Variants in ATP2B4 observed in about 807,000 individuals in gnomAD.
ATP2B4 encodes ATPase plasma membrane Ca2+ transporting 4, also known as plasma membrane calcium-transporting ATPase 4.
Under a neutral mutation model 110.3 loss-of-function variants are expected in ATP2B4, and 39 were observed. That is an observed-to-expected ratio of 0.35 (90% CI 0.27 to 0.46). The LOEUF (loss-of-function observed/expected upper bound fraction) is 0.46. Among genes scored for constraint, ATP2B4 ranks in the 20% least tolerant of loss-of-function variants. The pLI is 1.00. For missense variants in ATP2B4, 1,135 were observed against 1,530.9 expected (o/e 0.74, Z 4.32); for synonymous variants, 538 against 571.7 (o/e 0.94, Z 0.84).
rs754384540 is a variant in ATP2B4, at chr1:203,739,680, G to A, written c.3444G>A (p.Leu1148=). The change falls in exon 21 of 21, where the codon CTG becomes CTA. Residue 1148 remains leucine, a synonymous_variant. Transcript: ENST00000357681. ...AGGAGTTGCCACGAACACCACTCCT[G>A]GATGAGGAAGAGGAGGAAAATCCTG... The part of the protein sequence containing the change: ...IEEELPRTPL[L]DEEEEENPDK... 1.2e-6 allele frequency: 2 copies of A among 1,614,150 alleles called. No homozygotes were observed. Among genetic ancestry groups the A allele is most frequent in the South Asian group, 1.1e-5 (1 of 91,086 alleles).
intron 15 of ATP2B4, among the ~76,000 whole-genome samples, chr1:203,719,721 T>TATAAATAA (rs34272522): frequency 0.047 from 6,826 of 146,214 alleles, 228 homozygotes; most frequent in African/African-American, 0.082. Context: ...TCTCAAAAAC[T>TATAAATAA]ATAAATAAAT....
chr1:203,667,198 C>T (rs1664529414), intron 1 of ATP2B4, among the ~76,000 whole-genome samples: 1 of 152,178 alleles, frequency 6.6e-6, no homozygotes, highest in South Asian at 2.1e-4. Flanking sequence ...GCAATCTGCC[C>T]ACCTCAGCCT....
chr1:203,688,344 G>A (rs6668485), intron 2 of ATP2B4, among the ~76,000 whole-genome samples: 36,732 of 151,196 alleles, frequency 0.24, 5,075 homozygotes, highest in East Asian at 0.61. Flanking sequence ...TGTCACCGAG[G>A]CTGGAGTGCA....
chr1:203,698,873 G>A (rs959154636), intron 3 of ATP2B4, among the ~76,000 whole-genome samples: 6 of 152,082 alleles, frequency 3.9e-5, no homozygotes, highest in African/African-American at 1.4e-4. Context: ...CTGACCTCAG[G>A]TGATCCACCC....
chr1:203,635,440 G>A (rs1336577456), intron 1 of ATP2B4, among the ~76,000 whole-genome samples: 2 of 152,066 alleles, frequency 1.3e-5, no homozygotes, highest in African/African-American at 4.8e-5. Context: ...TAATTTTTTT[G>A]TTGTTATTGT....
At chr1:203,651,754 G>A (rs1664001902) in intron 1 of ATP2B4, among the ~76,000 whole-genome samples, 1 of 149,264 alleles carries the variant, frequency 6.7e-6, no homozygotes. Context: ...GAGTGAGCCT[G>A]TATCTAAATA....
chr1:203,649,972 G>A lies in ATP2B4; in HGVS notation c.-465+22753G>A, dbSNP rs114695704. 9.1e-3 allele frequency among the ~76,000 whole-genome samples: 1,387 copies of A among 152,260 alleles called. 24 individuals carry two copies. The highest frequency in any genetic ancestry group is 0.029 in the African/African-American group (1,202 of 41,544). ...CTCCCCTTCTTCCAGAGCTGCTGAG[G>A]ACTAATGAGAACACTCACTTGTAGA... On this transcript the variant is annotated intron_variant, in intron 1 of 20. Coordinates refer to ENST00000357681, the MANE Select transcript of ATP2B4 (RefSeq NM_001684.5).
In ATP2B4 at chr1:203,700,315, C is replaced by T. The variant is rs1334428114; in HGVS notation, c.759C>T (p.Asp253=). The T allele has an allele frequency of 6.2e-7, 1 of 1,613,274 alleles. No individual in the cohort carries two copies. Among genetic ancestry groups the T allele is most frequent in the Admixed American group, 1.7e-5 (1 of 59,934 alleles). The change falls in exon 5 of 21, where the codon GAC becomes GAT. Residue 253 remains aspartate, a synonymous_variant. Transcript: ENST00000357681. ...SDHVKKSLDK[D]PMLLSGTHVM... is the part of the protein sequence containing the mutation. ...ATGTCAAGAAGTCCCTGGACAAAGA[C>T]CCCATGTTGCTCTCAGGTATAGGCC...
At chr1:203,642,363 C>T (rs576353684) in intron 1 of ATP2B4, among the ~76,000 whole-genome samples, 42 of 152,258 alleles carry the variant, frequency 2.8e-4, no homozygotes, top group Admixed American at 1.4e-3. Flanking sequence ...GGATTACAGG[C>T]GTGAAACACT....
intron 20 of ATP2B4, among the ~76,000 whole-genome samples, chr1:203,731,588 C>T (rs1666713737): frequency 1.3e-5 from 2 of 152,080 alleles, no homozygotes; most frequent in East Asian, 3.9e-4. Context: ...CGCGGTGGCT[C>T]ACACCTTAAT....
Position 203,741,977 on chromosome 1 carries a change from G to T in ATP2B4, c.*2123G>T, listed in dbSNP as rs1371100126. ...TATTTTACCATTCCTGTTCACAAAA[G>T]GTTCTCATGGTGCCTGACAGGTTAC... On this transcript the variant is annotated 3_prime_UTR_variant, in exon 21 of 21. Transcript: ENST00000357681. 6.6e-6 allele frequency: 1 copy of T among 152,606 alleles called. No homozygotes were observed. Among genetic ancestry groups the T allele is most frequent in the Non-Finnish European group, 1.5e-5 (1 of 68,038 alleles). The allele number at this position is 152,606 out of a possible 1,614,324, so 9.5% of individuals were successfully genotyped here. A position where few individuals can be genotyped will look rare whatever the true frequency, so the allele number is the denominator to read the frequency against.
chr1:203,665,174 C>T (rs931719808), intron 1 of ATP2B4, among the ~76,000 whole-genome samples: 1 of 152,180 alleles, frequency 6.6e-6, no homozygotes, highest in Non-Finnish European at 1.5e-5. Flanking sequence ...GGAGCAAGGC[C>T]CATCTGGCAA....
intron 2 of ATP2B4, among the ~76,000 whole-genome samples, chr1:203,695,920 T>C (rs10793764): frequency 6.6e-6 from 1 of 151,746 alleles, no homozygotes; most frequent in South Asian, 2.1e-4. Context: ...CTTTTGACAT[T>C]TAAGGTAACA....
rs983489588 is a variant in ATP2B4 at position 203,686,958 on chromosome 1, G to A, written c.193+3560G>A. Among the ~76,000 whole-genome samples, 4 of 147,792 alleles carry A rather than the reference G, an allele frequency of 2.7e-5. No individual in the cohort carries two copies. In the South Asian group the frequency reaches 8.5e-4, roughly 32 times the overall value. On this transcript the variant is annotated intron_variant, in intron 2 of 20. Coordinates refer to ENST00000357681, the MANE Select transcript of ATP2B4 (RefSeq NM_001684.5). ...GATCCATCCACCTCGGCCTACCAAA[G>A]TGCTGGGATTACAGGCGTGAGCCAT...
chr1:203,675,691 C>A (rs145018113), intron 1 of ATP2B4, among the ~76,000 whole-genome samples: 1 of 152,242 alleles, frequency 6.6e-6, no homozygotes, highest in East Asian at 1.9e-4. Flanking sequence ...GTCAGAGTAG[C>A]AGACTTGGAG....
intron 1 of ATP2B4, among the ~76,000 whole-genome samples, chr1:203,652,056 C>CA (rs147932185): frequency 7.7e-5 from 10 of 129,436 alleles, no homozygotes; most frequent in African/African-American, 2.6e-4. Flanking sequence ...GACTCTGTCT[C>CA]AAAAAAAAAA....
chr1:203,676,706 C>A (rs774161756), intron 1 of ATP2B4, among the ~76,000 whole-genome samples: 10 of 152,010 alleles, frequency 6.6e-5, no homozygotes, highest in Admixed American at 2.6e-4. Flanking sequence ...CATGAGACGA[C>A]TGAGTGGAGG....
intron 1 of ATP2B4, among the ~76,000 whole-genome samples, chr1:203,674,220 C>T (rs1664759890): frequency 6.6e-6 from 1 of 152,136 alleles, no homozygotes; most frequent in South Asian, 2.1e-4. Context: ...TTAAACAGAC[C>T]TTCCAGATGG....
rs770649645 is a variant in ATP2B4, at chr1:203,707,057, T to C, written c.1148T>C (p.Val383Ala). The stretch of plus-strand genomic sequence containing the variant: ...GTTTTCATCCTGATTCTATACTTTG[T>C]GATTGACAACTTTGTGATAAATCGC... ...LTVFILILYF[V>A]IDNFVINRRP... is the part of the protein sequence containing the mutation. Residue 383 changes from valine to alanine, a missense_variant, in exon 9 of 21, where the codon GTG becomes GCG. By Grantham distance (64) the Val-to-Ala change is moderately conservative. Around this residue, in one of 9 missense-constraint regions of ATP2B4, gnomAD observed 162 missense variants for 210.5 expected, o/e 0.77. Coordinates refer to ENST00000357681, the MANE Select transcript of ATP2B4 (RefSeq NM_001684.5). The C allele has an allele frequency of 3.7e-6, 6 of 1,614,140 alleles. No individual in the cohort carries two copies. The highest frequency in any genetic ancestry group is 4.2e-6 in the Non-Finnish European group (5 of 1,180,008).
Sources: allele counts gnomAD v4.1 joint callset (sites outside exome capture counted in the v4.1 genomes callset), GRCh38; gene constraint gnomAD v4.1.1; regional missense constraint gnomAD v4.1.1; transcripts MANE v1.5; gene names NCBI Gene and HGNC (gene_info 2026-07-23, HGNC 2026-07-21).